ARNT2: variants seen among roughly 807,000 people sequenced by gnomAD.
The protein encoded by ARNT2 is ARNT protein 2.
Under a neutral mutation model 91.7 loss-of-function variants are expected in ARNT2, and 36 were observed. That is an observed-to-expected ratio of 0.39 (90% CI 0.30 to 0.52). ARNT2 has a LOEUF of 0.52. Ranked by LOEUF, ARNT2 falls within the 20% of genes least tolerant of loss-of-function variation. ARNT2 has a pLI of 0.72. For synonymous variants in ARNT2, 365 were observed against 347.1 expected (o/e 1.05, Z -0.57); for missense variants, 775 against 939.3 (o/e 0.83, Z 2.29).
intron 8 of ARNT2, among the ~76,000 whole-genome samples, chr15:80,543,299 A>C (rs1897941802): frequency 6.6e-6 from 1 of 152,032 alleles, no homozygotes. Context: ...TTTATGTATA[A>C]GGTAACAGAG....
At chr15:80,405,147 T>C (rs1200748402) in intron 1 of ARNT2, among the ~76,000 whole-genome samples, 1 of 152,242 alleles carries the variant, frequency 6.6e-6, no homozygotes, top group Non-Finnish European at 1.5e-5. Flanking sequence ...GGTGACATCC[T>C]CTGCTTTCTG....
At chr15:80,545,305 G>A (rs1055834330) in intron 8 of ARNT2, among the ~76,000 whole-genome samples, 2 of 152,204 alleles carry the variant, frequency 1.3e-5, no homozygotes, top group African/African-American at 2.4e-5. Context: ...CTTGAAAGAG[G>A]GCAGGGCTCT....
At position 80,576,944 on chromosome 15, in the gene ARNT2, G is replaced by A; in HGVS notation, c.1592G>A (p.Gly531Glu). The A allele has an allele frequency of 3.1e-6, 5 of 1,614,084 alleles. No homozygotes were observed. The South Asian group carries it at 5.5e-5, about 18-fold the overall frequency. The change falls in exon 15 of 19, where the codon GGA becomes GAA. Residue 531 changes from glycine to glutamate, a missense_variant. This residue lies in a region of ARNT2 where 325 missense variants were observed against 359.9 expected (regional missense o/e 0.90). Transcript: ENST00000303329. ...IYSQGSPFPS[G>E]HSGKAFSSSV... Reference sequence around the variant, plus strand: ...TCCCAAGGAAGCCCATTTCCCTCTGGACACTCCGGGAAGGCCTTCAGGTAT... The same window carrying A: ...TCCCAAGGAAGCCCATTTCCCTCTGAACACTCCGGGAAGGCCTTCAGGTAT...
chr15:80,559,309 C>T (rs760430791), intron 11 of ARNT2, among the ~76,000 whole-genome samples: 2 of 151,798 alleles, frequency 1.3e-5, no homozygotes, highest in African/African-American at 2.4e-5. Context: ...ACAGCAGTGC[C>T]GGCAGTCCCA....
chr15:80,414,810 A>G (rs577280108), intron 1 of ARNT2, among the ~76,000 whole-genome samples: 1 of 151,300 alleles, frequency 6.6e-6, no homozygotes, highest in Admixed American at 6.6e-5. Flanking sequence ...AAAACTTCCA[A>G]TTCAGTTCAG....
At chr15:80,581,190 G>C in intron 16 of ARNT2, 49 bp from the exon 17 acceptor site, 8 of 1,605,360 alleles carry the variant, frequency 5.0e-6, no homozygotes, top group Non-Finnish European at 6.8e-6. Context: ...TTGGGGTGCA[G>C]GGGTCTGCTG....
At chr15:80,574,939 G>A (rs745495033) in intron 13 of ARNT2, 48 bp from the exon 14 acceptor site, 2 of 1,602,404 alleles carry the variant, frequency 1.2e-6, no homozygotes, top group Admixed American at 3.3e-5. Flanking sequence ...CGCATGTTCT[G>A]TGCCTTACGC....
At chr15:80,488,599 A>C (rs1029182366) in intron 5 of ARNT2, 1 of 152,170 alleles carries the variant, frequency 6.6e-6, no homozygotes, top group Non-Finnish European at 1.5e-5. Flanking sequence ...TGTGAACTCG[A>C]CTGTACCATA....
intron 9 of ARNT2, among the ~76,000 whole-genome samples, chr15:80,551,646 A>G (rs975763603): frequency 2.6e-5 from 4 of 152,006 alleles, no homozygotes; most frequent in African/African-American, 9.7e-5. Context: ...CCTCTCTCAC[A>G]TCTTATTCCC....
chr15:80,451,681 C>T lies in ARNT2; in HGVS notation c.146+687C>T, dbSNP rs1196290580. ...AACCAACCAACTACCCACCAACCAT[C>T]CAACCAACCAACCAATCAACCAACT... On this transcript the variant is annotated intron_variant, in intron 2 of 18. Coordinates refer to ENST00000303329, the MANE Select transcript of ARNT2 (RefSeq NM_014862.4). Among the ~76,000 whole-genome samples, 3 of 151,908 alleles carry T rather than the reference C, an allele frequency of 2.0e-5. No homozygotes were observed. The South Asian group carries it at 6.2e-4, about 32-fold the overall frequency.
intron 10 of ARNT2, among the ~76,000 whole-genome samples, chr15:80,553,188 A>G (rs1003021929): frequency 6.6e-6 from 1 of 152,212 alleles, no homozygotes; most frequent in African/African-American, 2.4e-5. Context: ...TATAGGTGGC[A>G]CGTCTTTAGG....
chr15:80,539,698 G>A (rs1223987019), intron 8 of ARNT2, among the ~76,000 whole-genome samples: 2 of 151,968 alleles, frequency 1.3e-5, no homozygotes, highest in African/African-American at 4.8e-5. Flanking sequence ...ACCTAATCCA[G>A]TCACTGGAAA....
intron 8 of ARNT2, among the ~76,000 whole-genome samples, chr15:80,517,911 G>A (rs78830939): frequency 0.034 from 5,107 of 151,836 alleles, 279 homozygotes; most frequent in African/African-American, 0.12. Flanking sequence ...TATTGTCTAC[G>A]TTTTCCATGA....
chr15:80,571,768 A>G (rs746184079), intron 12 of ARNT2, among the ~76,000 whole-genome samples: 8 of 152,202 alleles, frequency 5.3e-5, no homozygotes, highest in Admixed American at 3.3e-4. Flanking sequence ...TATAACAACT[A>G]TGAAAGCTTT....
intron 1 of ARNT2, among the ~76,000 whole-genome samples, chr15:80,450,276 C>T (rs1896368239): frequency 6.6e-6 from 1 of 152,240 alleles, no homozygotes; most frequent in Admixed American, 6.5e-5. Flanking sequence ...CAGGAAGCCT[C>T]AGCCTGGCCT....
intron 1 of ARNT2, among the ~76,000 whole-genome samples, chr15:80,417,594 C>A (rs1895805400): frequency 6.6e-6 from 1 of 150,982 alleles, no homozygotes; most frequent in African/African-American, 2.4e-5. Flanking sequence ...CCCTCTTTCT[C>A]TCTCTCTCTT....
chr15:80,533,375 A>C (rs2141443426), intron 8 of ARNT2, among the ~76,000 whole-genome samples: 1 of 152,314 alleles, frequency 6.6e-6, no homozygotes, highest in East Asian at 1.9e-4. Flanking sequence ...TGGAGAGGCC[A>C]CTGTGATGGA....
At chr15:80,460,473 T>A (rs894850795) in intron 3 of ARNT2, among the ~76,000 whole-genome samples, 27 of 152,198 alleles carry the variant, frequency 1.8e-4, no homozygotes, top group Non-Finnish European at 1.9e-4. Flanking sequence ...CACACGCCCA[T>A]ACGTGCATAG....
intron 3 of ARNT2, among the ~76,000 whole-genome samples, chr15:80,466,662 G>A (rs1213402138): frequency 2.0e-5 from 3 of 152,194 alleles, no homozygotes; most frequent in East Asian, 1.9e-4. Context: ...CATCATCCCC[G>A]CTGCCTTGAT....
Sources: gnomAD v4.1 joint callset for allele counts (sites outside exome capture counted in the v4.1 genomes callset) on GRCh38, gnomAD v4.1.1 for gene constraint, gnomAD v4.1.1 regional missense constraint, MANE v1.5 for transcripts, NCBI Gene and HGNC (gene_info 2026-07-23, HGNC 2026-07-21) for gene names.